The following EXOC6 variants were observed in gnomAD, a reference collection of about 807,000 sequenced individuals.
EXOC6 encodes exocyst complex component 6.
In EXOC6, 60 loss-of-function variants were observed where a neutral mutation model predicts 112.5. That is an observed-to-expected ratio of 0.53 (90% CI 0.43 to 0.66). The LOEUF (loss-of-function observed/expected upper bound fraction) is 0.66, where lower values mean the gene tolerates loss of function less well. Among genes scored for constraint, EXOC6 ranks in the 30% least tolerant of loss-of-function variants. EXOC6 has a pLI of 0.00. For missense variants in EXOC6, 855 were observed against 957.1 expected (o/e 0.89, Z 1.41); for synonymous variants, 295 against 308.0 (o/e 0.96, Z 0.44).
At chr10:92,904,516 C>T (rs906792333) in intron 5 of EXOC6, among the ~76,000 whole-genome samples, 7 of 152,006 alleles carry the variant, frequency 4.6e-5, no homozygotes, top group Non-Finnish European at 8.8e-5. Context: ...AATGATATCT[C>T]ATTGTTATTT....
intron 1 of EXOC6, among the ~76,000 whole-genome samples, chr10:92,827,484 A>AAAAAAAC (rs1846405634): frequency 6.8e-6 from 1 of 147,948 alleles, no homozygotes; most frequent in Non-Finnish European, 1.5e-5. Context: ...CAAAAAAAAA[A>AAAAAAAC]AAAAAAAAAA....
intron 18 of EXOC6, among the ~76,000 whole-genome samples, chr10:92,976,500 T>C (rs1312621167): frequency 6.6e-6 from 1 of 151,414 alleles, no homozygotes. Flanking sequence ...CTCCCTAATC[T>C]CAAGTACCCA....
intron 6 of EXOC6, among the ~76,000 whole-genome samples, chr10:92,910,739 C>T (rs1055927232): frequency 1.3e-5 from 2 of 152,116 alleles, no homozygotes. Flanking sequence ...ACCATCCTGG[C>T]TAACACGGTG....
chr10:92,932,650 T>G (rs1852108963), intron 9 of EXOC6, among the ~76,000 whole-genome samples: 2 of 152,108 alleles, frequency 1.3e-5, no homozygotes, highest in East Asian at 3.9e-4. Context: ...AGTTGGCCAC[T>G]AAGACACGCT....
At chr10:93,039,951 G>GA (rs1418998150) in intron 20 of EXOC6, among the ~76,000 whole-genome samples, 1 of 152,200 alleles carries the variant, frequency 6.6e-6, no homozygotes, top group African/African-American at 2.4e-5. Flanking sequence ...CTACACGTGT[G>GA]AATGAGATTC....
At chr10:92,847,730 T>C (rs1234723411), upstream of EXOC6, among the ~76,000 whole-genome samples, 3 of 151,954 alleles carry the variant, frequency 2.0e-5, no homozygotes, top group African/African-American at 4.8e-5. Flanking sequence ...ACCTCCCTGC[T>C]GCTAACCCCC....
intron 1 of EXOC6, among the ~76,000 whole-genome samples, chr10:92,891,366 A>T (rs1006064718): frequency 3.9e-5 from 6 of 152,222 alleles, no homozygotes; most frequent in Admixed American, 1.3e-4. Flanking sequence ...TATGTCCAAG[A>T]TCAGAGCCTA....
intron 20 of EXOC6, among the ~76,000 whole-genome samples, chr10:93,021,067 A>G (rs1428950771): frequency 6.6e-6 from 1 of 152,040 alleles, no homozygotes. Context: ...TTTGTCACAT[A>G]GGCTCAACAG....
At chr10:93,007,805 G>A (rs1844064693) in intron 19 of EXOC6, among the ~76,000 whole-genome samples, 1 of 152,190 alleles carries the variant, frequency 6.6e-6, no homozygotes, top group South Asian at 2.1e-4. Flanking sequence ...TGATATAGCA[G>A]AGTTTTACTC....
At position 92,943,264 on chromosome 10, in the gene EXOC6, C is replaced by T. The variant is rs550161808; in HGVS notation, c.1310+2440C>T. ...CGATCTCCTGACCTTGTGATGTACC[C>T]GCCTTGGCCTCCTAAAGTGCTGGGA... On this transcript the variant is annotated intron_variant, in intron 13 of 21. Coordinates refer to ENST00000260762, the MANE Select transcript of EXOC6 (RefSeq NM_019053.6). 6.6e-5 allele frequency among the ~76,000 whole-genome samples: 10 copies of T among 152,226 alleles called. No homozygotes were observed. In the South Asian group the frequency reaches 1.7e-3, roughly 25 times the overall value.
chr10:93,036,456 T>C (rs1277444872), intron 20 of EXOC6, among the ~76,000 whole-genome samples: 2 of 152,192 alleles, frequency 1.3e-5, no homozygotes, highest in Non-Finnish European at 2.9e-5. Context: ...TTTAATTTCT[T>C]TGTACTGTCT....
intron 21 of EXOC6, among the ~76,000 whole-genome samples, chr10:93,057,567 T>C (rs1222548337): frequency 1.3e-5 from 2 of 152,202 alleles, no homozygotes; most frequent in African/African-American, 4.8e-5. Context: ...TTCCCTCTCA[T>C]TATGTGACAG....
At chr10:92,996,503 G>A (rs1350897836) in intron 18 of EXOC6, among the ~76,000 whole-genome samples, 2 of 151,994 alleles carry the variant, frequency 1.3e-5, no homozygotes, top group African/African-American at 4.8e-5. Flanking sequence ...TGTAGTCCCA[G>A]CTACTTGGGA....
At chr10:92,885,175 A>T (rs542153588) in intron 1 of EXOC6, among the ~76,000 whole-genome samples, 1 of 152,330 alleles carries the variant, frequency 6.6e-6, no homozygotes, top group African/African-American at 2.4e-5. Flanking sequence ...GTTAACTCAT[A>T]TTTAAACTTT....
chr10:92,842,269 G>C (rs569567036), intron 1 of EXOC6, among the ~76,000 whole-genome samples: 2 of 149,322 alleles, frequency 1.3e-5, no homozygotes, highest in African/African-American at 2.5e-5. Context: ...TGAGGCAGGA[G>C]AATTGCTTGA....
At chr10:92,968,810 A>G (rs1842172758) in intron 17 of EXOC6, among the ~76,000 whole-genome samples, 1 of 152,226 alleles carries the variant, frequency 6.6e-6, no homozygotes, top group Non-Finnish European at 1.5e-5. Context: ...CATAAATAAG[A>G]AATTAAGTTA....
intron 19 of EXOC6, among the ~76,000 whole-genome samples, chr10:93,007,786 A>G (rs985170929): frequency 2.6e-5 from 4 of 152,360 alleles, no homozygotes; most frequent in Admixed American, 2.0e-4. Context: ...GTCTTCTTCC[A>G]AGTTAGGCTG....
intron 12 of EXOC6, among the ~76,000 whole-genome samples, chr10:92,940,487 C>G (rs1393334694): frequency 1.3e-5 from 2 of 152,058 alleles, no homozygotes; most frequent in Admixed American, 6.6e-5. Flanking sequence ...GTAATCATTA[C>G]TAAAAAGAGA....
rs116705140 is a variant in EXOC6 at position 92,919,484 on chromosome 10, A to G, written c.820-498A>G. On this transcript the variant is annotated intron_variant, in intron 7 of 21. Coordinates refer to ENST00000260762, the MANE Select transcript of EXOC6 (RefSeq NM_019053.6). Reference sequence around the variant, plus strand: ...GAATATAGGATACATCTTAAAGATGATGGTGTTATAGTTTTAAGTGGTGGT... The same window carrying G: ...GAATATAGGATACATCTTAAAGATGGTGGTGTTATAGTTTTAAGTGGTGGT... Among the ~76,000 whole-genome samples the G allele has an allele frequency of 4.4e-3, 674 of 152,194 alleles. 7 individuals are homozygous for G. Among genetic ancestry groups the G allele is most frequent in the African/African-American group, 0.016 (645 of 41,544 alleles).
Sources: gnomAD v4.1 joint callset for allele counts (sites outside exome capture counted in the v4.1 genomes callset) on GRCh38, gnomAD v4.1.1 for gene constraint, MANE v1.5 for transcripts, NCBI Gene and HGNC (gene_info 2026-07-23, HGNC 2026-07-21) for gene names.